Variants in MED27 observed in about 807,000 individuals in gnomAD.
MED27 encodes mediator complex subunit 27.
In MED27, 30 loss-of-function variants were observed where a neutral mutation model predicts 38.2. That is an observed-to-expected ratio of 0.79 (90% CI 0.59 to 1.07). The LOEUF (loss-of-function observed/expected upper bound fraction) is 1.07, where lower values mean the gene tolerates loss of function less well. Among genes scored for constraint, MED27 ranks in the 50% least tolerant of loss-of-function variants. The pLI is 0.00. For synonymous variants in MED27, 122 were observed against 153.5 expected (o/e 0.79, Z 1.52); for missense variants, 289 against 397.5 (o/e 0.73, Z 2.32).
chr9:132,029,779 C>T (rs1195283657), intron 2 of MED27, among the ~76,000 whole-genome samples: 3 of 146,640 alleles, frequency 2.0e-5, no homozygotes, highest in Non-Finnish European at 4.4e-5. Context: ...AATCTGGGAA[C>T]AAGGCAGGGG....
intron 3 of MED27, among the ~76,000 whole-genome samples, chr9:131,942,320 A>G (rs1281379547): frequency 6.6e-6 from 1 of 152,216 alleles, no homozygotes; most frequent in East Asian, 1.9e-4. Flanking sequence ...TCATTGCCTG[A>G]CGTTTCTTGA....
At position 132,003,889 on chromosome 9, in the gene MED27, T is replaced by C. The variant is rs1832295126; in HGVS notation, c.479+10448A>G. 6.6e-6 allele frequency among the ~76,000 whole-genome samples: 1 copy of C among 152,180 alleles called. No individual in the cohort carries two copies. Among genetic ancestry groups the C allele is most frequent in the African/African-American group, 2.4e-5 (1 of 41,428 alleles). On this transcript the variant is annotated intron_variant, in intron 3 of 7. Transcript: ENST00000292035. This position sits in a 1 kb window ranked among gnomAD's most constrained non-coding sequence, Gnocchi z 4.2. ...ATTTTCTGTTTAAATGCAGTAGTAC[T>C]TTCTGCACCTTTAGATTCCCGGTGT... is the stretch of plus-strand genomic sequence containing the variant.
At chr9:132,074,848 A>G (rs1589306346) in intron 2 of MED27, among the ~76,000 whole-genome samples, 3 of 152,384 alleles carry the variant, frequency 2.0e-5, no homozygotes, top group East Asian at 3.9e-4. Context: ...ATTATCTGCT[A>G]TAACAGAAAT....
intron 4 of MED27, among the ~76,000 whole-genome samples, chr9:131,898,611 ATAG>A (rs201449632): frequency 0.013 from 1,932 of 149,040 alleles, 24 homozygotes; most frequent in Non-Finnish European, 0.019. Context: ...TTTTTTTGAG[ATAG>A]TCTCGCTCTG....
intron 3 of MED27, among the ~76,000 whole-genome samples, chr9:131,951,985 A>G (rs1162359755): frequency 6.6e-6 from 1 of 152,212 alleles, no homozygotes; most frequent in Non-Finnish European, 1.5e-5. Context: ...ATTTGGCATG[A>G]TCCTGAAATG....
intron 2 of MED27, among the ~76,000 whole-genome samples, chr9:132,070,797 C>A (rs1290039771): frequency 1.3e-5 from 2 of 151,820 alleles, no homozygotes; most frequent in Admixed American, 1.3e-4. Flanking sequence ...TCGACTCCCA[C>A]ACCCCCCACC....
At chr9:131,950,544 G>A (rs748283515) in intron 3 of MED27, among the ~76,000 whole-genome samples, 4 of 152,274 alleles carry the variant, frequency 2.6e-5, no homozygotes, top group Non-Finnish European at 5.9e-5. Context: ...ACGTCCCTGA[G>A]AATCTACATG....
chr9:131,996,444 G>A (rs976670134), intron 3 of MED27, among the ~76,000 whole-genome samples: 2 of 152,264 alleles, frequency 1.3e-5, no homozygotes, highest in Non-Finnish European at 2.9e-5. Flanking sequence ...GAGAGAGAAC[G>A]AGACTAACTG....
At position 132,005,107 on chromosome 9, in the gene MED27, A is replaced by G. The variant is rs184648345; in HGVS notation, c.479+9230T>C. Among the ~76,000 whole-genome samples the G allele has an allele frequency of 1.1e-3, 161 of 152,354 alleles. 1 individual carries two copies. Among genetic ancestry groups the G allele is most frequent in the South Asian group, 0.011 (51 of 4,830 alleles). ...GAGACACTTTCCTCTTCTACCTGCC[A>G]ATAACAGGAGTACATAAAATAAATA... On this transcript the variant is annotated intron_variant, in intron 3 of 7. Transcript: ENST00000292035.
chr9:131,958,932 C>A (rs561439470), intron 3 of MED27, among the ~76,000 whole-genome samples: 8 of 152,314 alleles, frequency 5.3e-5, no homozygotes, highest in African/African-American at 1.9e-4. Context: ...CTGTGAAGCC[C>A]TTTGGCTCTT....
intron 5 of MED27, among the ~76,000 whole-genome samples, chr9:131,892,171 G>A (rs964873310): frequency 6.6e-6 from 1 of 152,134 alleles, no homozygotes; most frequent in Non-Finnish European, 1.5e-5. Flanking sequence ...CTGGGAAACT[G>A]GGAAGTCAAG....
intron 2 of MED27, among the ~76,000 whole-genome samples, chr9:132,068,432 C>T (rs1288523616): frequency 6.6e-6 from 1 of 152,056 alleles, no homozygotes; most frequent in Non-Finnish European, 1.5e-5. Context: ...TTTAAAGATC[C>T]CTCGAGAGCT....
At chr9:131,998,652 T>C (rs1436096669) in intron 3 of MED27, among the ~76,000 whole-genome samples, 1 of 152,140 alleles carries the variant, frequency 6.6e-6, no homozygotes, top group East Asian at 1.9e-4. Flanking sequence ...ACCTTTAAAT[T>C]CTAAGTGCTC....
chr9:131,867,715 G>A (rs1838760391), intron 6 of MED27, among the ~76,000 whole-genome samples: 1 of 152,248 alleles, frequency 6.6e-6, no homozygotes, highest in African/African-American at 2.4e-5. Context: ...GAATCTCCTG[G>A]GTGGGGCCCA....
chr9:132,010,543 A>G (rs908706526), intron 3 of MED27, among the ~76,000 whole-genome samples: 1 of 152,220 alleles, frequency 6.6e-6, no homozygotes, highest in African/African-American at 2.4e-5. Flanking sequence ...TATATACCCA[A>G]AGGATTATAA....
At chr9:131,902,287 G>A (rs575311898) in intron 4 of MED27, among the ~76,000 whole-genome samples, 1 of 152,254 alleles carries the variant, frequency 6.6e-6, no homozygotes, top group African/African-American at 2.4e-5. Context: ...GTCGTGCTGG[G>A]CGGAACTGTC....
chr9:131,952,859 A>G (rs1465107410), intron 3 of MED27, among the ~76,000 whole-genome samples: 1 of 152,202 alleles, frequency 6.6e-6, no homozygotes, highest in Non-Finnish European at 1.5e-5. Flanking sequence ...TGGGTTCCTT[A>G]TACCCTGCCC....
At chr9:131,944,889 C>T (rs1406938445) in intron 3 of MED27, among the ~76,000 whole-genome samples, 3 of 151,890 alleles carry the variant, frequency 2.0e-5, no homozygotes, top group East Asian at 1.9e-4. Flanking sequence ...AATTAAAACA[C>T]ATGTCTGTAC....
At chr9:131,940,248 G>A (rs1830762587) in intron 3 of MED27, among the ~76,000 whole-genome samples, 1 of 151,922 alleles carries the variant, frequency 6.6e-6, no homozygotes, top group African/African-American at 2.4e-5. Context: ...CTGATCTCCT[G>A]GTTGTGCTCT....
Sources: allele counts gnomAD v4.1 joint callset (sites outside exome capture counted in the v4.1 genomes callset), GRCh38; gene constraint gnomAD v4.1.1; non-coding constraint Gnocchi (gnomAD v3.1); transcripts MANE v1.5; gene names NCBI Gene and HGNC (gene_info 2026-07-23, HGNC 2026-07-21).